The following SP4 variants were observed in gnomAD, a reference collection of about 807,000 sequenced individuals.
SP4 encodes the protein Sp4 transcription factor, also known as transcription factor Sp4.
A neutral mutation model predicts 72.8 loss-of-function variants in SP4; 19 were observed. The observed-to-expected ratio is 0.26, with a 90% confidence interval of 0.18 to 0.38. The LOEUF is 0.38. Ranked by LOEUF, SP4 falls within the 10% of genes least tolerant of loss-of-function variation. The pLI is 1.00. For synonymous variants in SP4, 395 were observed against 333.1 expected (o/e 1.19, Z -2.02); for missense variants, 1,008 against 926.3 (o/e 1.09, Z -1.14).
chr7:21,493,563 A>C (rs764446125), intron 5 of SP4, among the ~76,000 whole-genome samples: 1 of 152,226 alleles, frequency 6.6e-6, no homozygotes, highest in Admixed American at 6.5e-5. Flanking sequence ...AATGCTATGC[A>C]TAACTCTACA....
intron 3 of SP4, among the ~76,000 whole-genome samples, chr7:21,440,856 A>G (rs948997614): frequency 3.0e-5 from 2 of 67,564 alleles, no homozygotes; most frequent in South Asian, 5.2e-4. Flanking sequence ...TCTCAAAACA[A>G]CAACAACAAC....
intron 5 of SP4, among the ~76,000 whole-genome samples, chr7:21,486,711 GT>G: frequency 6.6e-6 from 1 of 152,148 alleles, no homozygotes; most frequent in Non-Finnish European, 1.5e-5. Flanking sequence ...ATTGGTTAAT[GT>G]AGGGTGTGCC....
intron 4 of SP4, among the ~76,000 whole-genome samples, chr7:21,481,682 C>T (rs1230015759): frequency 2.0e-5 from 3 of 152,124 alleles, no homozygotes; most frequent in East Asian, 1.9e-4. Context: ...TGACCAGGAA[C>T]GTGAGTCCAT....
rs1782769223 is a variant in SP4, at chr7:21,429,750, A to C, written c.585A>C (p.Gln195His). 2 of 1,614,054 alleles carry C rather than the reference A, an allele frequency of 1.2e-6. No homozygotes were observed. Among genetic ancestry groups the C allele is most frequent in the Admixed American group, 1.7e-5 (1 of 60,008 alleles). ...CATCTCTACAGGATTTGCAGGGTCAAATTCAGCTCATTTCTGCAGGTAATA... is the reference window on the plus strand; with the variant it reads ...CATCTCTACAGGATTTGCAGGGTCACATTCAGCTCATTTCTGCAGGTAATA... Reference protein sequence around the residue: ...SSSSLQDLQGQIQLISAGNNQ... With the variant: ...SSSSLQDLQGHIQLISAGNNQ... Residue 195 changes from glutamine (Q) to histidine (H), a missense_variant, in exon 3 of 6, where the codon CAA (glutamine) becomes CAC (histidine). By Grantham distance (24) the Gln-to-His change is conservative. Around this residue, in one of 3 missense-constraint regions of SP4, gnomAD observed 893 missense variants for 743.3 expected, o/e 1.20. Transcript: ENST00000222584.
intron 3 of SP4, among the ~76,000 whole-genome samples, chr7:21,442,466 T>C (rs1231939780): frequency 4.6e-5 from 7 of 152,230 alleles, no homozygotes; most frequent in Admixed American, 6.5e-5. Context: ...ATAGATATCA[T>C]CTAATATCTA....
rs998991688 is a variant in SP4 at position 21,464,192 on chromosome 7, G to C, written c.1679-12887G>C. Among the ~76,000 whole-genome samples the C allele has an allele frequency of 2.0e-5, 3 of 150,056 alleles. 1 individual carries two copies. In the South Asian group the frequency reaches 6.3e-4, roughly 32 times the overall value. ...CAGGCTGGAGTGCATGGCCTCCCGG[G>C]TTCATGCCGTTCTCCTGCCTTAGCC... On this transcript the variant is annotated intron_variant, in intron 3 of 5. Transcript: ENST00000222584.
chr7:21,428,147 AGCCACCGCGGGCGGGCGGGACCG>A lies in SP4; in HGVS notation c.-101_-79del. On this transcript the variant is annotated 5_prime_UTR_variant, in exon 1 of 6. Transcript: ENST00000222584. Reference sequence around the variant, plus strand: ...CCTGTGCCAGCTACAGCCTCCTCCGAGCCACCGCGGGCGGGCGGGACCGGCCTCTCCTCCCGCCTCGCCCCCAC... The same window carrying A: ...CCTGTGCCAGCTACAGCCTCCTCCGAGCCTCTCCTCCCGCCTCGCCCCCAC... 1.4e-6 allele frequency: 1 copy of A among 734,026 alleles called. No homozygotes were observed. 45.5% of individuals were successfully genotyped at this position (734,026 alleles called of 1,614,324 possible). A position where few individuals can be genotyped will look rare whatever the true frequency, so the allele number is the denominator to read the frequency against.
At chr7:21,434,445 C>T (rs567571315) in intron 3 of SP4, among the ~76,000 whole-genome samples, 4 of 152,274 alleles carry the variant, frequency 2.6e-5, no homozygotes, top group African/African-American at 7.2e-5. Context: ...CCATTAACAA[C>T]GTGTTCAGTA....
chr7:21,511,371 T>G lies in SP4; in HGVS notation c.*102T>G. ...GTGGATTACAGAGTAGGAAATTATG[T>G]TTTCATTCTTGGCTTCTTTAAGTAT... On this transcript the variant is annotated 3_prime_UTR_variant, in exon 6 of 6. Coordinates refer to ENST00000222584, the MANE Select transcript of SP4 (RefSeq NM_003112.5). 1 of 1,208,352 alleles carries G rather than the reference T, an allele frequency of 8.3e-7. No homozygotes were observed. Among genetic ancestry groups the G allele is most frequent in the Non-Finnish European group, 1.2e-6 (1 of 867,876 alleles). The allele number at this position is 1,208,352 out of a possible 1,614,324, so 74.9% of individuals were successfully genotyped here. A position where few individuals can be genotyped will look rare whatever the true frequency, so the allele number is the denominator to read the frequency against.
intron 1 of SP4, 128 bp from the exon 2 acceptor site, chr7:21,428,549 T>C: frequency 1.0e-6 from 1 of 1,002,960 alleles, no homozygotes; most frequent in South Asian, 1.7e-5. Context: ...CCTGCCGGTG[T>C]GCGTGGATCG....
intron 2 of SP4, 78 bp downstream of exon 2, chr7:21,428,870 A>T (rs1004137996): frequency 3.7e-5 from 40 of 1,090,874 alleles, no homozygotes; most frequent in Non-Finnish European, 4.7e-5. Context: ...AATGTCCAGA[A>T]GTAACAGAAT....
chr7:21,483,003 A>G (rs995714148), intron 5 of SP4, among the ~76,000 whole-genome samples: 1 of 152,088 alleles, frequency 6.6e-6, no homozygotes, highest in Non-Finnish European at 1.5e-5. Flanking sequence ...TGGATCATAG[A>G]GAATGTGTAT....
At chr7:21,474,177 A>T (rs911992040) in intron 3 of SP4, among the ~76,000 whole-genome samples, 6 of 152,020 alleles carry the variant, frequency 3.9e-5, no homozygotes, top group Non-Finnish European at 7.4e-5. Context: ...CCCACCCCTC[A>T]CCCCCAGACT....
At chr7:21,439,568 TCAGAATATCTGGTA>T (rs1783168810) in intron 3 of SP4, among the ~76,000 whole-genome samples, 2 of 151,648 alleles carry the variant, frequency 1.3e-5, no homozygotes, top group African/African-American at 2.4e-5. Flanking sequence ...TCTTCATGGC[TCAGAATATCTGGTA>T]CAAAGGTGTT....
intron 5 of SP4, 42 bp from the exon 6 acceptor site, chr7:21,510,980 A>C (rs1366207202): frequency 6.5e-7 from 1 of 1,543,178 alleles, no homozygotes; most frequent in African/African-American, 1.4e-5. Flanking sequence ...AATTTCACTT[A>C]AGCAAAATGT....
chr7:21,449,519 G>T (rs1292566077), intron 3 of SP4, among the ~76,000 whole-genome samples: 4 of 152,046 alleles, frequency 2.6e-5, no homozygotes, highest in South Asian at 4.2e-4. Flanking sequence ...ATTCAGAATG[G>T]TACTGAAATA....
chr7:21,440,387 T>C (rs894176499), intron 3 of SP4, among the ~76,000 whole-genome samples: 4 of 152,162 alleles, frequency 2.6e-5, no homozygotes, highest in Non-Finnish European at 5.9e-5. Flanking sequence ...ACTAGAAGAA[T>C]GTGAAGTAGT....
At chr7:21,475,430 A>G (rs1376774023) in intron 3 of SP4, among the ~76,000 whole-genome samples, 5 of 151,606 alleles carry the variant, frequency 3.3e-5, no homozygotes, top group African/African-American at 1.2e-4. Context: ...AAACCCTTTT[A>G]TTTTGTATGC....
At chr7:21,475,685 G>A (rs142742884) in intron 3 of SP4, among the ~76,000 whole-genome samples, 2,691 of 152,020 alleles carry the variant, frequency 0.018, 242 homozygotes, top group Admixed American at 0.15. Flanking sequence ...GGATGGTCTC[G>A]ATCTCCTGAC....
Sources: gnomAD v4.1 joint callset for allele counts (sites outside exome capture counted in the v4.1 genomes callset) on GRCh38, gnomAD v4.1.1 for gene constraint, gnomAD v4.1.1 regional missense constraint, MANE v1.5 for transcripts, NCBI Gene and HGNC (gene_info 2026-07-23, HGNC 2026-07-21) for gene names.